APP: variants seen among roughly 807,000 people sequenced by gnomAD.
The protein encoded by APP is amyloid-beta precursor protein.
A neutral mutation model predicts 101.4 loss-of-function variants in APP; 31 were observed. The observed-to-expected ratio is 0.31, with a 90% confidence interval of 0.23 to 0.41. The LOEUF (loss-of-function observed/expected upper bound fraction) is 0.41. APP is among the 10% of genes least tolerant of loss of function. The probability of loss-of-function intolerance (pLI) is 1.00; values close to 1 mark genes in which losing one functional copy is unlikely to be tolerated. For synonymous variants in APP, 366 were observed against 364.4 expected (o/e 1.00, Z -0.05); for missense variants, 839 against 1,003.7 (o/e 0.84, Z 2.22).
intron 3 of APP, among the ~76,000 whole-genome samples, chr21:26,062,706 T>C (rs1462752046): frequency 2.4e-5 from 3 of 125,392 alleles, no homozygotes; most frequent in Non-Finnish European, 3.5e-5. Context: ...TTGTTAGCAG[T>C]CTTGCAGCTT....
At chr21:26,075,807 C>A (rs2061488216) in intron 3 of APP, among the ~76,000 whole-genome samples, 1 of 152,118 alleles carries the variant, frequency 6.6e-6, no homozygotes, top group African/African-American at 2.4e-5. Context: ...CAACTTAGTT[C>A]TATTCTAATT....
chr21:25,905,910 G>A (rs1601356272), intron 14 of APP, among the ~76,000 whole-genome samples: 1 of 151,222 alleles, frequency 6.6e-6, no homozygotes, highest in Admixed American at 6.6e-5. Context: ...GGACAAAAGT[G>A]AAGTTTTTAG....
At chr21:26,018,613 T>C (rs1402621990) in intron 6 of APP, among the ~76,000 whole-genome samples, 1 of 152,170 alleles carries the variant, frequency 6.6e-6, no homozygotes, top group Non-Finnish European at 1.5e-5. Context: ...CCATAACATG[T>C]TTCTGTTAGG....
At chr21:26,076,373 T>C (rs1194940032) in intron 3 of APP, among the ~76,000 whole-genome samples, 1 of 152,104 alleles carries the variant, frequency 6.6e-6, no homozygotes. Context: ...AGTTTACAAT[T>C]ATTAATTAGG....
intron 2 of APP, among the ~76,000 whole-genome samples, chr21:26,095,989 C>CT (rs2061933037): frequency 6.6e-6 from 1 of 152,226 alleles, no homozygotes; most frequent in Non-Finnish European, 1.5e-5. Flanking sequence ...ACCCAAGCCT[C>CT]TGTCAGCTAG....
chr21:25,949,465 GA>G (rs1033342478), intron 13 of APP, among the ~76,000 whole-genome samples: 1 of 152,206 alleles, frequency 6.6e-6, no homozygotes, highest in African/African-American at 2.4e-5. Flanking sequence ...GCCTAGGAAA[GA>G]AATTTGTTTT....
rs200259364 is a variant in APP at position 25,880,923 on chromosome 21, C to G, written c.*747G>C. On this transcript the variant is annotated 3_prime_UTR_variant, in exon 18 of 18. Transcript: ENST00000346798. ...TGGAGAATTCTTGGTAATTGAAGAC[C>G]AGCAGAGCACCCCTCCCCACCCGCC... 1.3e-5 allele frequency: 2 copies of G among 152,612 alleles called. No individual in the cohort carries two copies. The highest frequency in any genetic ancestry group is 6.5e-5 in the Admixed American group (1 of 15,268). 9.5% of individuals were successfully genotyped at this position (152,612 alleles called of 1,614,324 possible).
intron 3 of APP, among the ~76,000 whole-genome samples, chr21:26,089,211 A>G (rs193126865): frequency 3.3e-5 from 5 of 152,352 alleles, no homozygotes; most frequent in Admixed American, 3.3e-4. Flanking sequence ...AAAGAACTTG[A>G]CTTCTGCAAT....
intron 1 of APP, among the ~76,000 whole-genome samples, chr21:26,119,687 C>A (rs967015776): frequency 6.8e-6 from 1 of 146,534 alleles, no homozygotes; most frequent in African/African-American, 2.5e-5. Context: ...CTAGAATGAA[C>A]ACACACACAC....
In APP at chr21:26,039,091, C is replaced by G. The variant is rs1254457441; in HGVS notation, c.662+11909G>C. Among the ~76,000 whole-genome samples the G allele has an allele frequency of 5.9e-5, 9 of 152,264 alleles. No individual in the cohort carries two copies. The East Asian group carries it at 1.2e-3, about 20-fold the overall frequency. On this transcript the variant is annotated intron_variant, in intron 5 of 17. Transcript: ENST00000346798. ...TATTACACCTGGTTTCTGTTTCCACCCAATGTCTTTTTAGGCAGGTTAGTT... is the reference window on the plus strand; with the variant it reads ...TATTACACCTGGTTTCTGTTTCCACGCAATGTCTTTTTAGGCAGGTTAGTT...
chr21:26,155,023 G>A (rs982734983), intron 1 of APP, among the ~76,000 whole-genome samples: 4 of 152,172 alleles, frequency 2.6e-5, no homozygotes, highest in African/African-American at 4.8e-5. Flanking sequence ...AGGCCAAAGC[G>A]GCAAGTCACT....
intron 13 of APP, chr21:25,942,575 T>C (rs2040622086): frequency 6.6e-6 from 1 of 152,204 alleles, no homozygotes; most frequent in Non-Finnish European, 1.5e-5. Context: ...CCCAAGCAAA[T>C]TCTAAATTAT....
chr21:25,949,241 T>C (rs1482455768), intron 13 of APP, among the ~76,000 whole-genome samples: 1 of 152,166 alleles, frequency 6.6e-6, no homozygotes, highest in Non-Finnish European at 1.5e-5. Flanking sequence ...TTATTTGTCA[T>C]GGGAATAGCT....
chr21:25,949,178 T>C (rs1278494515), intron 13 of APP, among the ~76,000 whole-genome samples: 2 of 152,158 alleles, frequency 1.3e-5, no homozygotes, highest in Admixed American at 6.5e-5. Context: ...TATGAAATTA[T>C]AAAATAAAAC....
At position 26,170,758 on chromosome 21, in the gene APP, C is replaced by G. The variant is rs1398988113; in HGVS notation, c.-138G>C. 4.7e-5 allele frequency: 44 copies of G among 928,080 alleles called. No individual in the cohort carries two copies. Among genetic ancestry groups the G allele is most frequent in the Middle Eastern group, 3.4e-4 (1 of 2,918 alleles). The allele number at this position is 928,080 out of a possible 1,614,324, so 57.5% of individuals were successfully genotyped here. ...TCCGCGTGCTCTCGCCTACCGCTGCCGAGGAAACTGACGGAGCCCGAGCGC... is the reference window on the plus strand; with the variant it reads ...TCCGCGTGCTCTCGCCTACCGCTGCGGAGGAAACTGACGGAGCCCGAGCGC... On this transcript the variant is annotated 5_prime_UTR_variant, in exon 1 of 18. Transcript: ENST00000346798.
intron 13 of APP, among the ~76,000 whole-genome samples, chr21:25,946,574 G>A (rs552330991): frequency 6.6e-6 from 1 of 152,256 alleles, no homozygotes; most frequent in Non-Finnish European, 1.5e-5. Context: ...GCTGAGGCAC[G>A]AGAATCGCTT....
chr21:25,897,281 C>CT (rs537901218), intron 16 of APP, among the ~76,000 whole-genome samples: 86 of 152,028 alleles, frequency 5.7e-4, no homozygotes, highest in South Asian at 8.3e-4. Flanking sequence ...CCCAGCTAAT[C>CT]TTTTTTGTAT....
intron 8 of APP, among the ~76,000 whole-genome samples, chr21:25,991,855 A>C (rs1197161740): frequency 2.6e-5 from 4 of 152,224 alleles, no homozygotes; most frequent in African/African-American, 9.6e-5. Context: ...TTTGCTGACC[A>C]CTTTATTAAA....
At position 26,097,934 on chromosome 21, in the gene APP, G is replaced by C. The variant is rs538504808; in HGVS notation, c.226-7862C>G. On this transcript the variant is annotated intron_variant, in intron 2 of 17. Transcript: ENST00000346798. Reference sequence around the variant, plus strand: ...TCTCTACTAAAAAATACAAAAATTAGCCGGGCATGGTGGCAGGCGCCTGTA... The same window carrying C: ...TCTCTACTAAAAAATACAAAAATTACCCGGGCATGGTGGCAGGCGCCTGTA... Among the ~76,000 whole-genome samples the C allele has an allele frequency of 1.6e-3, 245 of 152,002 alleles. 1 individual carries two copies. The highest frequency in any genetic ancestry group is 5.6e-3 in the African/African-American group (231 of 41,464).
Sources: gnomAD v4.1 joint callset for allele counts (sites outside exome capture counted in the v4.1 genomes callset) on GRCh38, gnomAD v4.1.1 for gene constraint, MANE v1.5 for transcripts, NCBI Gene and HGNC (gene_info 2026-07-23, HGNC 2026-07-21) for gene names.